Variants in NCAM2 observed in about 807,000 individuals in gnomAD.
The protein encoded by NCAM2 is N-CAM-2.
Under a neutral mutation model 98.1 loss-of-function variants are expected in NCAM2, and 30 were observed. The observed-to-expected ratio is 0.31, with a 90% CI of 0.23 to 0.41. The LOEUF (loss-of-function observed/expected upper bound fraction) is 0.41. NCAM2 is among the 10% of genes least tolerant of loss of function. The pLI, the probability that NCAM2 is intolerant of heterozygous loss-of-function variation, is 1.00. For missense variants in NCAM2, 867 were observed against 1,005.8 expected (o/e 0.86, Z 1.87); for synonymous variants, 368 against 342.4 (o/e 1.07, Z -0.83).
chr21:21,229,874 T>C (rs1161034192), intron 1 of NCAM2, among the ~76,000 whole-genome samples: 1 of 151,454 alleles, frequency 6.6e-6, no homozygotes, highest in Non-Finnish European at 1.5e-5. Context: ...TTTTTAAGCT[T>C]CTCTGAACTG....
At chr21:21,419,359 G>T (rs1291739613) in intron 11 of NCAM2, among the ~76,000 whole-genome samples, 197 of 87,072 alleles carry the variant, frequency 2.3e-3, no homozygotes, top group Admixed American at 3.6e-3. Flanking sequence ...TTTTTTTTTC[G>T]ATTTTTTTTT....
intron 6 of NCAM2, among the ~76,000 whole-genome samples, chr21:21,328,830 A>G (rs1459891879): frequency 1.3e-5 from 2 of 152,094 alleles, no homozygotes; most frequent in Non-Finnish European, 2.9e-5. Flanking sequence ...CTAGAGTACT[A>G]TACAGTAATG....
intron 6 of NCAM2, among the ~76,000 whole-genome samples, chr21:21,331,603 T>A (rs78559341): frequency 0.41 from 4,460 of 10,780 alleles, 1,184 homozygotes; most frequent in African/African-American, 0.46. Flanking sequence ...AGAGAGAGAG[T>A]GAGAGAGAGA....
intron 1 of NCAM2, among the ~76,000 whole-genome samples, chr21:21,090,062 G>A (rs2065982133): frequency 6.6e-6 from 1 of 152,096 alleles, no homozygotes; most frequent in African/African-American, 2.4e-5. Flanking sequence ...TCAAAGCATG[G>A]ACCTAGGACC....
intron 1 of NCAM2, among the ~76,000 whole-genome samples, chr21:21,132,992 G>A (rs780499075): frequency 3.9e-4 from 60 of 151,966 alleles, no homozygotes; most frequent in Admixed American, 2.0e-4. Flanking sequence ...ATAATCATAC[G>A]TGTTTTTATA....
At chr21:21,258,101 C>T (rs929928244) in intron 1 of NCAM2, among the ~76,000 whole-genome samples, 19 of 152,174 alleles carry the variant, frequency 1.2e-4, no homozygotes, top group African/African-American at 4.3e-4. Flanking sequence ...GATTCACACA[C>T]TTTTCATTAT....
At chr21:21,212,910 T>C (rs1418061230) in intron 1 of NCAM2, among the ~76,000 whole-genome samples, 1 of 151,952 alleles carries the variant, frequency 6.6e-6, no homozygotes, top group Non-Finnish European at 1.5e-5. Context: ...GTGGGGCTAA[T>C]TTTTTGTATT....
intron 1 of NCAM2, among the ~76,000 whole-genome samples, chr21:21,269,305 A>G (rs571575731): frequency 6.6e-5 from 10 of 152,156 alleles, no homozygotes; most frequent in Admixed American, 2.0e-4. Flanking sequence ...AAACATTTAA[A>G]TGGTTGATTT....
chr21:21,454,645 A>T (rs1179390220), intron 12 of NCAM2, among the ~76,000 whole-genome samples: 1 of 152,012 alleles, frequency 6.6e-6, no homozygotes, highest in African/African-American at 2.4e-5. Flanking sequence ...TTCAGTATTA[A>T]TTAATCTCAT....
intron 1 of NCAM2, among the ~76,000 whole-genome samples, chr21:21,175,531 TC>T (rs1177572286): frequency 1.3e-5 from 2 of 150,830 alleles, no homozygotes; most frequent in African/African-American, 4.9e-5. Context: ...AGACTCCGTC[TC>T]AAAAAAAATA....
chr21:21,187,834 T>C (rs925429630), intron 1 of NCAM2, among the ~76,000 whole-genome samples: 5 of 152,110 alleles, frequency 3.3e-5, no homozygotes, highest in African/African-American at 9.7e-5. Flanking sequence ...AGACTAGAAA[T>C]CTATAGGGGA....
intron 1 of NCAM2, among the ~76,000 whole-genome samples, chr21:21,046,407 T>C (rs1032717393): frequency 5.3e-5 from 8 of 152,148 alleles, no homozygotes; most frequent in Non-Finnish European, 8.8e-5. Context: ...CAATGACCAG[T>C]ACTAAATTTT....
intron 15 of NCAM2, among the ~76,000 whole-genome samples, chr21:21,495,007 T>A (rs1347324294): frequency 6.6e-6 from 1 of 151,804 alleles, no homozygotes; most frequent in Non-Finnish European, 1.5e-5. Context: ...TCATCAACAT[T>A]TCTATACAAG....
intron 1 of NCAM2, among the ~76,000 whole-genome samples, chr21:21,004,169 T>C (rs556530333): frequency 2.6e-5 from 4 of 152,340 alleles, no homozygotes; most frequent in South Asian, 2.1e-4. Context: ...TAAATGAATC[T>C]AATATATCTT....
At chr21:21,495,371 G>A (rs1219567456) in intron 15 of NCAM2, among the ~76,000 whole-genome samples, 3 of 151,808 alleles carry the variant, frequency 2.0e-5, no homozygotes, top group African/African-American at 7.2e-5. Flanking sequence ...TTCTTATATG[G>A]TGTGTGGAAA....
chr21:21,513,748 G>T (rs115501202), intron 16 of NCAM2, among the ~76,000 whole-genome samples: 2,534 of 151,046 alleles, frequency 0.017, 71 homozygotes, highest in African/African-American at 0.058. Flanking sequence ...ATGTTTCTCT[G>T]TTGATTTTCT....
intron 1 of NCAM2, among the ~76,000 whole-genome samples, chr21:21,017,424 C>CAAAA (rs11461275): frequency 0.39 from 22,623 of 58,730 alleles, 6,379 homozygotes; most frequent in East Asian, 0.66. Flanking sequence ...GACTCTGTCT[C>CAAAA]AAAAAAAAAA....
chr21:21,369,098 C>G (rs576809800), intron 8 of NCAM2, among the ~76,000 whole-genome samples: 8 of 148,274 alleles, frequency 5.4e-5, no homozygotes, highest in Non-Finnish European at 1.2e-4. Flanking sequence ...TTGGTCATCA[C>G]CCCCCAATCT....
In NCAM2 at chr21:21,201,435, C is replaced by T. The variant is rs112083649; in HGVS notation, c.56-79143C>T. On this transcript the variant is annotated intron_variant, in intron 1 of 17. Transcript: ENST00000400546. ...ACAGCAAGTTTACATCCTGGGAATC[C>T]CAGCTTAGGCAATCTGAATATGACT... Among the ~76,000 whole-genome samples the T allele has an allele frequency of 2.9e-3, 447 of 152,204 alleles. 2 individuals carry two copies. The highest frequency in any genetic ancestry group is 0.01 in the African/African-American group (434 of 41,536).
Sources: gnomAD v4.1 joint callset for allele counts (sites outside exome capture counted in the v4.1 genomes callset) on GRCh38, gnomAD v4.1.1 for gene constraint, MANE v1.5 for transcripts, NCBI Gene and HGNC (gene_info 2026-07-23, HGNC 2026-07-21) for gene names.